The following C12orf42 variants were observed in gnomAD, a reference collection of about 807,000 sequenced individuals.
C12orf42 encodes uncharacterized protein C12orf42.
A neutral mutation model predicts 21.6 loss-of-function variants in C12orf42; 25 were observed. The observed-to-expected ratio is 1.16, with a 90% CI of 0.84 to 1.62. The LOEUF (loss-of-function observed/expected upper bound fraction) is 1.62. Ranked by LOEUF, C12orf42 falls within the 40% of genes most tolerant of loss-of-function variation. The pLI, the probability that C12orf42 is intolerant of heterozygous loss-of-function variation, is 0.00. For missense variants in C12orf42, 483 were observed against 459.3 expected (o/e 1.05, Z -0.47); for synonymous variants, 174 against 175.0 (o/e 0.99, Z 0.05).
chr12:103,274,218 C>G (rs1019348665), intron 5 of C12orf42, among the ~76,000 whole-genome samples: 1 of 152,142 alleles, frequency 6.6e-6, no homozygotes, highest in African/African-American at 2.4e-5. Flanking sequence ...GGCAACATAG[C>G]TGTCAAGTGG....
At chr12:103,169,173 TAAATAAA>T in the C12orf42 span, among the ~76,000 whole-genome samples, 1 of 128,346 alleles carries the variant, frequency 7.8e-6, no homozygotes, top group Non-Finnish European at 1.8e-5. Context: ...AATAAATAAA[TAAATAAA>T]TAAATAAATA....
At chr12:103,114,300 T>C in the C12orf42 span, among the ~76,000 whole-genome samples, 2 of 152,254 alleles carry the variant, frequency 1.3e-5, no homozygotes. Context: ...GTGGGAGTTA[T>C]GGCCATTTGT....
the C12orf42 span, among the ~76,000 whole-genome samples, chr12:103,089,141 C>T: frequency 6.8e-6 from 1 of 147,072 alleles, no homozygotes; most frequent in African/African-American, 2.5e-5. Context: ...ACTCGGCAAC[C>T]CCTTGAGTGT....
At position 103,302,289 on chromosome 12, in the gene C12orf42, G is replaced by C. The variant is rs753202410; in HGVS notation, c.902C>G (p.Thr301Ser). ...TPRDRRPQAD[T>S]SLHGNLAGAP... ...TCCTGCCAGATTGCCATGGAGGGAGGTGTCCGCCTGAGGCCTCCTGTCCCG... is the reference window on the plus strand; with the variant it reads ...TCCTGCCAGATTGCCATGGAGGGAGCTGTCCGCCTGAGGCCTCCTGTCCCG... Residue 301 changes from threonine (T) to serine (S), a missense_variant, in exon 6 of 6, where the codon ACC (threonine) becomes AGC (serine). By Grantham distance (58) the Thr-to-Ser change is moderately conservative. Transcript: ENST00000548883. 1.9e-6 allele frequency: 3 copies of C among 1,613,474 alleles called. No homozygotes were observed. In the South Asian group the frequency reaches 3.3e-5, roughly 18 times the overall value.
chr12:103,249,424 A>G (rs1645374954), intron 10 of C12orf42, among the ~76,000 whole-genome samples: 1 of 152,086 alleles, frequency 6.6e-6, no homozygotes, highest in Non-Finnish European at 1.5e-5. Flanking sequence ...ATGATGGCTG[A>G]CTAAGACCAG....
chr12:103,381,768 T>A (rs2046198685), intron 3 of C12orf42, among the ~76,000 whole-genome samples: 2 of 152,064 alleles, frequency 1.3e-5, no homozygotes, highest in African/African-American at 2.4e-5. Flanking sequence ...ATATAAAAAA[T>A]TAGCCAGGCA....
chr12:103,416,240 A>AC (rs397956389), intron 2 of C12orf42, among the ~76,000 whole-genome samples: 37 of 151,642 alleles, frequency 2.4e-4, no homozygotes, highest in Non-Finnish European at 2.9e-5. Context: ...TTAAAAAAAA[A>AC]GGGTTGTGAC....
chr12:103,176,421 T>C, the C12orf42 span, among the ~76,000 whole-genome samples: 2 of 152,294 alleles, frequency 1.3e-5, no homozygotes, highest in East Asian at 3.9e-4. Context: ...AACTACATTT[T>C]AGGTTTCTTG....
intron 4 of C12orf42, among the ~76,000 whole-genome samples, chr12:103,342,009 C>G (rs767276049): frequency 3.3e-5 from 5 of 152,032 alleles, no homozygotes; most frequent in Non-Finnish European, 5.9e-5. Flanking sequence ...AGAACCCTGA[C>G]TAACAGAATC....
At chr12:103,402,668 G>A (rs1427058474) in intron 2 of C12orf42, among the ~76,000 whole-genome samples, 1 of 152,162 alleles carries the variant, frequency 6.6e-6, no homozygotes, top group Non-Finnish European at 1.5e-5. Context: ...TAACACTAAA[G>A]GTTATGAAGG....
chr12:103,062,730 T>C, the C12orf42 span, among the ~76,000 whole-genome samples: 1 of 152,238 alleles, frequency 6.6e-6, no homozygotes, highest in Non-Finnish European at 1.5e-5. Context: ...TTTTCTTTGT[T>C]GTTAATCCTA....
the C12orf42 span, among the ~76,000 whole-genome samples, chr12:103,069,731 T>C: frequency 6.6e-6 from 1 of 152,204 alleles, no homozygotes; most frequent in Non-Finnish European, 1.5e-5. Flanking sequence ...GGTCTCTTTC[T>C]CTATATTTTT....
At chr12:103,317,932 T>G (rs1167099508) in intron 4 of C12orf42, among the ~76,000 whole-genome samples, 2 of 152,186 alleles carry the variant, frequency 1.3e-5, no homozygotes, top group Non-Finnish European at 1.5e-5. Flanking sequence ...ATTATATGAG[T>G]ATCCACAATG....
chr12:103,546,862 A>G, the C12orf42 span, among the ~76,000 whole-genome samples: 1 of 152,298 alleles, frequency 6.6e-6, no homozygotes, highest in East Asian at 1.9e-4. Flanking sequence ...GCCCAGAGAA[A>G]AGGAACATCT....
At chr12:103,214,412 C>T in the C12orf42 span, among the ~76,000 whole-genome samples, 3 of 152,150 alleles carry the variant, frequency 2.0e-5, no homozygotes, top group African/African-American at 7.2e-5. Context: ...ATGGTCTGAA[C>T]ATCCTCCTTT....
At chr12:103,527,564 G>A in the C12orf42 span, among the ~76,000 whole-genome samples, 1 of 152,184 alleles carries the variant, frequency 6.6e-6, no homozygotes, top group Non-Finnish European at 1.5e-5. Flanking sequence ...GCTATCATGA[G>A]TAGGTTTTTC....
the C12orf42 span, among the ~76,000 whole-genome samples, chr12:103,193,681 GAGATTGCATC>G: frequency 6.6e-6 from 1 of 152,002 alleles, no homozygotes; most frequent in Non-Finnish European, 1.5e-5. Flanking sequence ...AAAAACAAAA[GAGATTGCATC>G]AGTAATCGAA....
At chr12:103,418,531 G>A (rs1163191558) in intron 2 of C12orf42, among the ~76,000 whole-genome samples, 1 of 152,024 alleles carries the variant, frequency 6.6e-6, no homozygotes, top group East Asian at 1.9e-4. Context: ...AGTAATAAAT[G>A]TAGCATGTAT....
At chr12:103,207,509 A>G in the C12orf42 span, among the ~76,000 whole-genome samples, 2 of 152,266 alleles carry the variant, frequency 1.3e-5, no homozygotes, top group African/African-American at 4.8e-5. Context: ...TGATAAACAG[A>G]CATCACTTCC....
Sources: gnomAD v4.1 joint callset for allele counts (sites outside exome capture counted in the v4.1 genomes callset) on GRCh38, gnomAD v4.1.1 for gene constraint, MANE v1.5 for transcripts, NCBI Gene and HGNC (gene_info 2026-07-23, HGNC 2026-07-21) for gene names.